Variants in ZMAT4 observed in about 807,000 individuals in gnomAD.
The protein encoded by ZMAT4 is zinc finger matrin-type 4.
A neutral mutation model predicts 28.7 loss-of-function variants in ZMAT4; 17 were observed. That is an observed-to-expected ratio of 0.59 (90% CI 0.41 to 0.89). ZMAT4 has a LOEUF of 0.89. Among genes scored for constraint, ZMAT4 ranks in the 40% least tolerant of loss-of-function variants. The pLI, the probability that ZMAT4 is intolerant of heterozygous loss-of-function variation, is 0.00. For missense variants in ZMAT4, 240 were observed against 283.8 expected (o/e 0.85, Z 1.11); for synonymous variants, 117 against 109.2 (o/e 1.07, Z -0.44).
chr8:40,546,975 C>A (rs915851143), intron 6 of ZMAT4, among the ~76,000 whole-genome samples: 8 of 152,084 alleles, frequency 5.3e-5, no homozygotes, highest in Admixed American at 5.2e-4. Flanking sequence ...ACACACACAG[C>A]AAACTTTCAT....
At chr8:40,895,465 T>C (rs917447276) in intron 1 of ZMAT4, among the ~76,000 whole-genome samples, 1 of 152,210 alleles carries the variant, frequency 6.6e-6, no homozygotes, top group African/African-American at 2.4e-5. Flanking sequence ...TTGTCAATTA[T>C]TTTTCAGCTC....
intron 1 of ZMAT4, among the ~76,000 whole-genome samples, chr8:40,886,439 T>C (rs1586225380): frequency 6.6e-6 from 1 of 152,128 alleles, no homozygotes; most frequent in Non-Finnish European, 1.5e-5. Context: ...GAGTGGACGG[T>C]GCAGCACAGC....
At chr8:40,711,510 C>T (rs188906957) in intron 3 of ZMAT4, among the ~76,000 whole-genome samples, 6 of 152,186 alleles carry the variant, frequency 3.9e-5, no homozygotes, top group Admixed American at 6.5e-5. Context: ...TTTCAGAGGA[C>T]GGAAAGGACA....
chr8:40,734,295 C>T (rs1042175687), intron 3 of ZMAT4, among the ~76,000 whole-genome samples: 1 of 152,202 alleles, frequency 6.6e-6, no homozygotes, highest in African/African-American at 2.4e-5. Flanking sequence ...CAATAAAAAA[C>T]ACCCTGGCAC....
At chr8:40,731,131 CTA>C (rs1811519497) in intron 3 of ZMAT4, among the ~76,000 whole-genome samples, 1 of 152,154 alleles carries the variant, frequency 6.6e-6, no homozygotes, top group East Asian at 1.9e-4. Flanking sequence ...TGGGGGGACA[CTA>C]TTGTTGCACC....
intron 6 of ZMAT4, among the ~76,000 whole-genome samples, chr8:40,558,183 G>A (rs1198762821): frequency 1.3e-5 from 2 of 152,154 alleles, no homozygotes; most frequent in African/African-American, 4.8e-5. Flanking sequence ...AGGGAGGTAG[G>A]TTGATATTGG....
At chr8:40,594,788 C>T (rs763245935) in intron 5 of ZMAT4, among the ~76,000 whole-genome samples, 5 of 152,196 alleles carry the variant, frequency 3.3e-5, no homozygotes, top group Admixed American at 3.3e-4. Context: ...GGCAGGCTGC[C>T]TTCTCTACAG....
chr8:40,869,354 A>C (rs1017524019), intron 1 of ZMAT4, among the ~76,000 whole-genome samples: 2 of 152,166 alleles, frequency 1.3e-5, no homozygotes, highest in African/African-American at 4.8e-5. Flanking sequence ...ACTGATATCT[A>C]AGGGGATTTT....
intron 6 of ZMAT4, among the ~76,000 whole-genome samples, chr8:40,565,999 G>A (rs530984538): frequency 1.4e-4 from 22 of 152,136 alleles, no homozygotes; most frequent in African/African-American, 3.6e-4. Flanking sequence ...GGGTTTAGGC[G>A]TTTTAAAAAT....
chr8:40,767,326 T>C (rs1813201696), intron 3 of ZMAT4, among the ~76,000 whole-genome samples: 1 of 152,184 alleles, frequency 6.6e-6, no homozygotes, highest in South Asian at 2.1e-4. Context: ...CCTGTCTTCT[T>C]AATACTTCAT....
At chr8:40,835,001 T>G (rs1223165386) in intron 1 of ZMAT4, among the ~76,000 whole-genome samples, 1 of 152,206 alleles carries the variant, frequency 6.6e-6, no homozygotes, top group Non-Finnish European at 1.5e-5. Context: ...CCGGGCAGCA[T>G]GATGGAGCGC....
intron 3 of ZMAT4, among the ~76,000 whole-genome samples, chr8:40,741,022 G>GCA (rs1046615986): frequency 7.2e-6 from 1 of 138,510 alleles, no homozygotes; most frequent in South Asian, 2.4e-4. Flanking sequence ...ACACACACAC[G>GCA]CACACACAGC....
At chr8:40,744,758 G>A (rs778883764) in intron 3 of ZMAT4, among the ~76,000 whole-genome samples, 13 of 152,172 alleles carry the variant, frequency 8.5e-5, no homozygotes, top group Admixed American at 5.9e-4. Context: ...AGAGTAAAAT[G>A]TTTTAGCTGG....
chr8:40,711,150 C>T (rs1810599408), intron 3 of ZMAT4, among the ~76,000 whole-genome samples: 1 of 152,064 alleles, frequency 6.6e-6, no homozygotes, highest in African/African-American at 2.4e-5. Context: ...TGTTTGTTCA[C>T]CTTTGTAGAA....
At chr8:40,613,524 T>C (rs1805883427) in intron 5 of ZMAT4, among the ~76,000 whole-genome samples, 1 of 147,216 alleles carries the variant, frequency 6.8e-6, no homozygotes, top group South Asian at 2.1e-4. Flanking sequence ...CTTTGCCCTT[T>C]GTCCAACATT....
At chr8:40,786,297 G>A (rs1014823372) in intron 2 of ZMAT4, among the ~76,000 whole-genome samples, 4 of 152,064 alleles carry the variant, frequency 2.6e-5, no homozygotes, top group Non-Finnish European at 5.9e-5. Context: ...AATTGACAAA[G>A]GTTTGAGTCC....
At chr8:40,667,621 T>C (rs986934535) in intron 5 of ZMAT4, among the ~76,000 whole-genome samples, 7 of 152,162 alleles carry the variant, frequency 4.6e-5, no homozygotes, top group Non-Finnish European at 1.0e-4. Context: ...TCATGTGTTT[T>C]TCATCATGTT....
rs116039401 is a variant in ZMAT4, at chr8:40,810,315, C to A, written c.102+15260G>T. On this transcript the variant is annotated intron_variant, in intron 2 of 6. Coordinates refer to ENST00000297737, the MANE Select transcript of ZMAT4 (RefSeq NM_024645.3). ...ACTCTACAATAAAAGAAGATAGATA[C>A]GTGATTTGTCCCTCTCAGATATTAA... 7.2e-3 allele frequency among the ~76,000 whole-genome samples: 1,095 copies of A among 152,190 alleles called. 16 individuals carry two copies. The highest frequency in any genetic ancestry group is 0.025 in the African/African-American group (1,026 of 41,520).
At chr8:40,542,577 C>T (rs376945374) in intron 6 of ZMAT4, among the ~76,000 whole-genome samples, 2 of 151,872 alleles carry the variant, frequency 1.3e-5, no homozygotes, top group African/African-American at 4.8e-5. Flanking sequence ...TTTGTAGATA[C>T]GGTGTGGCAC....
Sources: allele counts gnomAD v4.1 joint callset (sites outside exome capture counted in the v4.1 genomes callset), GRCh38; gene constraint gnomAD v4.1.1; transcripts MANE v1.5; gene names NCBI Gene and HGNC (gene_info 2026-07-23, HGNC 2026-07-21).